The following SYMPK variants were observed in gnomAD, a reference collection of about 807,000 sequenced individuals.
SYMPK encodes symplekin.
SYMPK carries 49 observed loss-of-function variants against 136.4 expected under a neutral mutation model. The observed-to-expected ratio is 0.36, with a 90% CI of 0.29 to 0.46. The LOEUF (loss-of-function observed/expected upper bound fraction) is 0.46. Ranked by LOEUF, SYMPK falls within the 20% of genes least tolerant of loss-of-function variation. SYMPK has a pLI of 1.00. For synonymous variants in SYMPK, 766 were observed against 713.0 expected (o/e 1.07, Z -1.19); for missense variants, 1,365 against 1,690.0 (o/e 0.81, Z 3.37).
intron 11 of SYMPK, among the ~76,000 whole-genome samples, chr19:45,834,512 TTTA>T (rs373881747): frequency 0.14 from 21,574 of 151,874 alleles, 1,615 homozygotes; most frequent in South Asian, 0.18. Flanking sequence ...TTGAGCTATG[TTTA>T]GCTCATTATG....
intron 25 of SYMPK, 90 bp from the exon 26 acceptor site, chr19:45,816,273 G>T (rs1970734798): frequency 2.6e-6 from 3 of 1,145,174 alleles, no homozygotes; most frequent in Non-Finnish European, 3.6e-6. Context: ...GGTGGTCTTT[G>T]AGTTCTTCAC....
At chr19:45,857,403 C>G (rs1971847856) in intron 1 of SYMPK, among the ~76,000 whole-genome samples, 1 of 84,098 alleles carries the variant, frequency 1.2e-5, no homozygotes, top group Admixed American at 1.4e-4. Flanking sequence ...GAGTGAGACT[C>G]TGTCTCAAAA....
At chr19:45,817,415 CTCTTTTTTTTTTT>C (rs1329380979) in intron 23 of SYMPK, among the ~76,000 whole-genome samples, 2 of 100,174 alleles carry the variant, frequency 2.0e-5, no homozygotes, top group African/African-American at 3.9e-5. Flanking sequence ...TTTTTTTGTT[CTCTTTTTTTTTTT>C]TTTTTTTTTT....
At chr19:45,823,224 C>A in intron 20 of SYMPK, 148 bp downstream of exon 20, 2 of 793,050 alleles carry the variant, frequency 2.5e-6, no homozygotes, top group Admixed American at 2.2e-5. Flanking sequence ...GTGTCGGCGG[C>A]TTCCATGACT....
In SYMPK at chr19:45,826,320, C is replaced by T; in HGVS notation, c.2235G>A (p.Leu745=). The T allele has an allele frequency of 6.2e-7, 1 of 1,614,178 alleles. No individual in the cohort carries two copies. The highest frequency in any genetic ancestry group is 8.5e-7 in the Non-Finnish European group (1 of 1,180,024). The change falls in exon 17 of 27, where the codon CTG becomes CTA. Residue 745 remains leucine (L), a synonymous_variant. Transcript: ENST00000245934. ...FIKRMYEKEQ[L]REYVEKFALN... ...GGGCAAATTTCTCCACATACTCCCGCAGCTGCTCCTTCTCATACATGCGTT... is the reference window on the plus strand; with the variant it reads ...GGGCAAATTTCTCCACATACTCCCGTAGCTGCTCCTTCTCATACATGCGTT...
rs766533373 is a variant in SYMPK, at chr19:45,847,719, C to T, written c.676+33G>A. On this transcript the variant is annotated intron_variant, in intron 7 of 26. Transcript: ENST00000245934. ...TGAAGGAGAGGAAACTGGTGCAGGG[C>T]TGTCAGGGGTGGCAGCTGAAGGCAG... 5.0e-6 allele frequency: 8 copies of T among 1,593,102 alleles called. No individual in the cohort carries two copies. The South Asian group carries it at 7.8e-5, about 16-fold the overall frequency.
At chr19:45,817,813 G>T in intron 23 of SYMPK, 146 bp downstream of exon 23, 1 of 828,480 alleles carries the variant, frequency 1.2e-6, no homozygotes, top group Non-Finnish European at 1.8e-6. Flanking sequence ...ACACCCTGGA[G>T]CACTGCTATT....
chr19:45,841,920 T>C (rs974631380), intron 9 of SYMPK, among the ~76,000 whole-genome samples: 5 of 152,066 alleles, frequency 3.3e-5, no homozygotes, highest in Non-Finnish European at 7.4e-5. Context: ...AAATAATGCA[T>C]AATTTATTAA....
At chr19:45,862,204 A>T (rs1055724671) in intron 1 of SYMPK, among the ~76,000 whole-genome samples, 1 of 152,126 alleles carries the variant, frequency 6.6e-6, no homozygotes, top group Admixed American at 6.5e-5. Context: ...ATGTGGATGT[A>T]TTATAGTTTC....
intron 1 of SYMPK, chr19:45,855,333 G>T (rs1396559548): frequency 1.3e-5 from 2 of 152,130 alleles, no homozygotes; most frequent in Non-Finnish European, 1.5e-5. Flanking sequence ...GGAGGAAGGG[G>T]GCTTTCAGGC....
intron 12 of SYMPK, chr19:45,831,160 T>TA: frequency 2.7e-6 from 1 of 368,566 alleles, no homozygotes; most frequent in Non-Finnish European, 4.6e-6. Context: ...ATTTTAGACA[T>TA]AAAAAAGGAT....
intron 1 of SYMPK, chr19:45,862,657 T>C (rs1971998164): frequency 2.4e-5 from 4 of 167,182 alleles, no homozygotes; most frequent in Non-Finnish European, 5.1e-5. Context: ...GTGACGTTGG[T>C]GCCGAGACCC....
intron 10 of SYMPK, among the ~76,000 whole-genome samples, chr19:45,837,117 G>C (rs1470400974): frequency 6.6e-6 from 1 of 152,080 alleles, no homozygotes; most frequent in Middle Eastern, 3.2e-3. Flanking sequence ...AGTGCCAAAA[G>C]AATATGAACA....
chr19:45,845,390 C>T (rs10401925), intron 7 of SYMPK, among the ~76,000 whole-genome samples: 2,705 of 152,206 alleles, frequency 0.018, 71 homozygotes, highest in African/African-American at 0.06. Flanking sequence ...ATCATTCTAC[C>T]GTCTGTCTCC....
intron 9 of SYMPK, among the ~76,000 whole-genome samples, 168 bp downstream of exon 9, chr19:45,842,082 C>T (rs932717792): frequency 2.0e-5 from 3 of 151,826 alleles, no homozygotes; most frequent in African/African-American, 7.3e-5. Flanking sequence ...GTGATCTGCC[C>T]GCCTCAGCTT....
intron 14 of SYMPK, 132 bp from the exon 15 acceptor site, chr19:45,828,050 A>C: frequency 2.7e-6 from 2 of 738,808 alleles, no homozygotes; most frequent in Non-Finnish European, 4.6e-6. Context: ...CCTGCTTATA[A>C]AGCTTTGGAG....
chr19:45,863,124 C>T lies in SYMPK; in HGVS notation c.-79G>A, dbSNP rs867086951. 35 of 405,944 alleles carry T rather than the reference C, an allele frequency of 8.6e-5. No individual in the cohort carries two copies. In the Middle Eastern group the frequency reaches 1.3e-3, roughly 15 times the overall value. The allele number at this position is 405,944 out of a possible 1,614,324, so 25.1% of individuals were successfully genotyped here. ...GCCTCTTCCTACACTCCGCCGCCGC[C>T]GCCGCCGCCATCTTCCGTTCGTCGC... is the stretch of plus-strand genomic sequence containing the variant. On this transcript the variant is annotated 5_prime_UTR_variant, in exon 1 of 27. Coordinates refer to ENST00000245934, the MANE Select transcript of SYMPK (RefSeq NM_004819.3).
chr19:45,829,071 G>T lies in SYMPK; in HGVS notation c.1884C>A (p.Asn628Lys). The change falls in exon 14 of 27, where the codon AAC (asparagine) becomes AAA (lysine). Residue 628 changes from asparagine to lysine, a missense_variant. By Grantham distance (94) the Asn-to-Lys change is moderately conservative. Around this residue, in one of 11 missense-constraint regions of SYMPK, gnomAD observed 303 missense variants for 326.6 expected, o/e 0.93. Coordinates refer to ENST00000245934, the MANE Select transcript of SYMPK (RefSeq NM_004819.3). ...CCGAGGCACCTGCGGCCAGGTAGGC[G>T]TTGTACTCCTGGTAGAGCCAGGCGA... ...LAFAWLYQEY[N>K]AYLAAGASGS... 6.2e-7 allele frequency: 1 copy of T among 1,614,190 alleles called. No individual in the cohort carries two copies. The highest frequency in any genetic ancestry group is 8.5e-7 in the Non-Finnish European group (1 of 1,180,034).
rs894867807 is a variant in SYMPK at position 45,821,559 on chromosome 19, A to G, written c.2792-74T>C. 1.6e-5 allele frequency: 16 copies of G among 980,768 alleles called. No individual in the cohort carries two copies. Among genetic ancestry groups the G allele is most frequent in the Admixed American group, 2.3e-5 (1 of 44,012 alleles). The allele number at this position is 980,768 out of a possible 1,614,324, so 60.8% of individuals were successfully genotyped here. A position where few individuals can be genotyped will look rare whatever the true frequency, so the allele number is the denominator to read the frequency against. ...GTGAAGAGATGGGTCTGAGTTCCCCAGATCGGGGGAGCTGCGAGCAAAGAT... is the reference window on the plus strand; with the variant it reads ...GTGAAGAGATGGGTCTGAGTTCCCCGGATCGGGGGAGCTGCGAGCAAAGAT... On this transcript the variant is annotated intron_variant, in intron 21 of 26. Transcript: ENST00000245934. The surrounding 1 kb of genome is among the most constrained non-coding windows in gnomAD (Gnocchi z 4.4).
Sources: gnomAD v4.1 joint callset for allele counts (sites outside exome capture counted in the v4.1 genomes callset) on GRCh38, gnomAD v4.1.1 for gene constraint, gnomAD v4.1.1 regional missense constraint, Gnocchi (gnomAD v3.1) non-coding constraint, MANE v1.5 for transcripts, NCBI Gene and HGNC (gene_info 2026-07-23, HGNC 2026-07-21) for gene names.